ARHGAP35: variants seen among roughly 807,000 people sequenced by gnomAD.
ARHGAP35 encodes the protein rho GTPase-activating protein 35.
In ARHGAP35, 15 loss-of-function variants were observed where a neutral mutation model predicts 111.1. The ratio of observed to expected loss-of-function variants is 0.13; its 90% confidence interval spans 0.09 to 0.21. The LOEUF (loss-of-function observed/expected upper bound fraction) is 0.21, where lower values mean the gene tolerates loss of function less well. Ranked by LOEUF, ARHGAP35 falls within the 10% of genes least tolerant of loss-of-function variation. ARHGAP35 has a pLI of 1.00. For synonymous variants in ARHGAP35, 643 were observed against 710.3 expected (o/e 0.91, Z 1.51); for missense variants, 1,262 against 1,873.0 (o/e 0.67, Z 6.02).
At chr19:46,878,406 T>C (rs745711550) in intron 1 of ARHGAP35, among the ~76,000 whole-genome samples, 2 of 151,824 alleles carry the variant, frequency 1.3e-5, no homozygotes, top group Non-Finnish European at 2.9e-5. Context: ...CTGCAACGTC[T>C]CTCGGGTTCA....
At chr19:46,876,892 G>T (rs1028818212) in intron 1 of ARHGAP35, among the ~76,000 whole-genome samples, 3 of 152,154 alleles carry the variant, frequency 2.0e-5, no homozygotes, top group African/African-American at 7.2e-5. Flanking sequence ...CCAGACTACT[G>T]CAATAAAGCA....
At chr19:46,987,948 C>G in intron 3 of ARHGAP35, 41 bp from the exon 4 acceptor site, 1 of 1,600,804 alleles carries the variant, frequency 6.2e-7, no homozygotes, top group South Asian at 1.1e-5. Flanking sequence ...ATTCTCTGCT[C>G]TCCAGTTCCT....
chr19:46,966,842 C>T (rs777422932), intron 3 of ARHGAP35, among the ~76,000 whole-genome samples: 4 of 152,156 alleles, frequency 2.6e-5, no homozygotes. Context: ...AATATCTCTC[C>T]ACAGTCAGTT....
intron 1 of ARHGAP35, among the ~76,000 whole-genome samples, chr19:46,883,164 G>A (rs1333982049): frequency 2.0e-5 from 3 of 151,678 alleles, no homozygotes; most frequent in Non-Finnish European, 4.4e-5. Flanking sequence ...GCACGATCTC[G>A]GCTCACTGCA....
chr19:46,910,641 G>T (rs963437580), intron 1 of ARHGAP35, among the ~76,000 whole-genome samples: 14 of 151,876 alleles, frequency 9.2e-5, no homozygotes, highest in African/African-American at 3.4e-4. Context: ...CCAGGCTGGA[G>T]TGCAGTGGTG....
In ARHGAP35 at chr19:46,986,500, A is replaced by G. The variant is rs2056651032; in HGVS notation, c.3827-1489A>G. 6.6e-6 allele frequency among the ~76,000 whole-genome samples: 1 copy of G among 152,244 alleles called. No homozygotes were observed. The highest frequency in any genetic ancestry group is 2.1e-4 in the South Asian group (1 of 4,836). On this transcript the variant is annotated intron_variant, in intron 3 of 6. Coordinates refer to ENST00000672722, the MANE Select transcript of ARHGAP35 (RefSeq NM_004491.5). The surrounding 1 kb of genome is among the most constrained non-coding windows in gnomAD (Gnocchi z 4.3). ...AAAAAACAATAGCTGATACAGGAAT[A>G]GGAAAAACCTATTCTAAGCATAAAA... is the stretch of plus-strand genomic sequence containing the variant.
chr19:46,966,274 C>T (rs143719749), intron 3 of ARHGAP35, among the ~76,000 whole-genome samples: 1 of 152,210 alleles, frequency 6.6e-6, no homozygotes, highest in African/African-American at 2.4e-5. Context: ...TGAGGCCAGG[C>T]GCAGTGGCTC....
chr19:46,942,423 A>C (rs1848093262), intron 3 of ARHGAP35, among the ~76,000 whole-genome samples: 1 of 152,080 alleles, frequency 6.6e-6, no homozygotes, highest in South Asian at 2.1e-4. Flanking sequence ...ACTTGATGTC[A>C]GGAGTTCCAG....
In ARHGAP35 at chr19:46,926,026, G is replaced by A. The variant is rs1352963037; in HGVS notation, c.3681+3670G>A. Among the ~76,000 whole-genome samples, 2 of 152,114 alleles carry A rather than the reference G, an allele frequency of 1.3e-5. No individual in the cohort carries two copies. Among genetic ancestry groups the A allele is most frequent in the African/African-American group, 2.4e-5 (1 of 41,410 alleles). ...TTGAGGGACCAACATTATCCGTCCCGTCTTTTGGAAGTTTTAACCTCATGC... is the reference window on the plus strand; with the variant it reads ...TTGAGGGACCAACATTATCCGTCCCATCTTTTGGAAGTTTTAACCTCATGC... On this transcript the variant is annotated intron_variant, in intron 2 of 6. Transcript: ENST00000672722. This position sits in a 1 kb window ranked among gnomAD's most constrained non-coding sequence, Gnocchi z 4.1.
chr19:47,000,277 G>A lies in ARHGAP35; in HGVS notation c.4143-54G>A. 6.4e-7 allele frequency: 1 copy of A among 1,568,176 alleles called. No individual in the cohort carries two copies. The highest frequency in any genetic ancestry group is 1.2e-5 in the South Asian group (1 of 85,278). On this transcript the variant is annotated intron_variant, in intron 6 of 6. Coordinates refer to ENST00000672722, the MANE Select transcript of ARHGAP35 (RefSeq NM_004491.5). The surrounding 1 kb of genome is among the most constrained non-coding windows in gnomAD (Gnocchi z 6.9). ...GGGTGCTGAAGACCATGAGCGCCCA[G>A]GGCCAGGTGGGGCCCTGCACAGTTC...
chr19:46,895,553 G>A (rs1568462437), intron 1 of ARHGAP35, among the ~76,000 whole-genome samples: 1 of 152,166 alleles, frequency 6.6e-6, no homozygotes, highest in Non-Finnish European at 1.5e-5. Context: ...TTAATGCTCA[G>A]GCAAGTAAAA....
intron 3 of ARHGAP35, among the ~76,000 whole-genome samples, chr19:46,938,552 C>A (rs969173931): frequency 1.3e-4 from 20 of 151,880 alleles, no homozygotes; most frequent in Non-Finnish European, 1.2e-4. Context: ...GGGTTTTTGC[C>A]ATGTTGGCCA....
intron 1 of ARHGAP35, among the ~76,000 whole-genome samples, chr19:46,888,192 T>C (rs985583022): frequency 2.8e-5 from 4 of 141,318 alleles, no homozygotes; most frequent in African/African-American, 1.0e-4. Flanking sequence ...GACCTTGTGA[T>C]CCGCCCACCT....
intron 1 of ARHGAP35, among the ~76,000 whole-genome samples, chr19:46,870,768 G>C (rs1436939861): frequency 6.6e-6 from 1 of 152,114 alleles, no homozygotes; most frequent in Non-Finnish European, 1.5e-5. Context: ...CTTAGCTAAA[G>C]TAGTTGTGAT....
intron 1 of ARHGAP35, among the ~76,000 whole-genome samples, chr19:46,887,535 G>A (rs2055998508): frequency 6.6e-6 from 1 of 152,152 alleles, no homozygotes; most frequent in Non-Finnish European, 1.5e-5. Context: ...AATAGAAGCT[G>A]TGACTAGCAA....
chr19:46,994,212 C>T lies in ARHGAP35; in HGVS notation c.4036+4537C>T, dbSNP rs1021653293. On this transcript the variant is annotated intron_variant, in intron 5 of 6. Coordinates refer to ENST00000672722, the MANE Select transcript of ARHGAP35 (RefSeq NM_004491.5). This position sits in a 1 kb window ranked among gnomAD's most constrained non-coding sequence, Gnocchi z 5.4. Reference sequence around the variant, plus strand: ...CCTGACGGCCCTGTCCCAGTAGGGACACCAGGGAGCCCATTGCCCCTGCTG... The same window carrying T: ...CCTGACGGCCCTGTCCCAGTAGGGATACCAGGGAGCCCATTGCCCCTGCTG... Among the ~76,000 whole-genome samples, 4 of 152,126 alleles carry T rather than the reference C, an allele frequency of 2.6e-5. No individual in the cohort carries two copies. The highest frequency in any genetic ancestry group is 2.6e-4 in the Admixed American group (4 of 15,276).
At position 46,903,154 on chromosome 19, in the gene ARHGAP35, C is replaced by T. The variant is rs117393644; in HGVS notation, c.-188-15334C>T. Among the ~76,000 whole-genome samples the T allele has an allele frequency of 1.1e-4, 17 of 152,112 alleles. No individual in the cohort carries two copies. In the East Asian group the frequency reaches 1.5e-3, roughly 14 times the overall value. ...GATTCAGGGGCCGGGGAGTGGTCTG[C>T]GGCATTGGGGAGACACATGCAATAG... On this transcript the variant is annotated intron_variant, in intron 1 of 6. Coordinates refer to ENST00000672722, the MANE Select transcript of ARHGAP35 (RefSeq NM_004491.5).
chr19:46,939,503 G>A (rs1429116361), intron 3 of ARHGAP35, among the ~76,000 whole-genome samples: 1 of 151,906 alleles, frequency 6.6e-6, no homozygotes, highest in African/African-American at 2.4e-5. Context: ...TCTGCCTCCT[G>A]GGTTCAAGCA....
chr19:46,912,153 C>T (rs2056140619), intron 1 of ARHGAP35, among the ~76,000 whole-genome samples: 1 of 150,886 alleles, frequency 6.6e-6, no homozygotes, highest in Admixed American at 6.6e-5. Context: ...TAGCGATTCT[C>T]CTGTCTCAGC....
Sources: allele counts gnomAD v4.1 joint callset (sites outside exome capture counted in the v4.1 genomes callset), GRCh38; gene constraint gnomAD v4.1.1; non-coding constraint Gnocchi (gnomAD v3.1); transcripts MANE v1.5; gene names NCBI Gene and HGNC (gene_info 2026-07-23, HGNC 2026-07-21).